PRKN: variants seen among roughly 807,000 people sequenced by gnomAD.
PRKN encodes the protein parkin RBR E3 ubiquitin protein ligase.
PRKN carries 56 observed loss-of-function variants against 59.5 expected under a neutral mutation model. That is an observed-to-expected ratio of 0.94 (90% CI 0.76 to 1.18). PRKN has a LOEUF of 1.18. PRKN is among the 50% of genes most tolerant of loss of function. PRKN has a pLI of 0.00. For missense variants in PRKN, 657 were observed against 596.4 expected, an observed-to-expected ratio of 1.10 and a Z score of -1.06; for synonymous variants, 250 against 222.1, an observed-to-expected ratio of 1.13 and a Z score of -1.12.
chr6:161,999,585 C>T (rs1781972979), intron 5 of PRKN, among the ~76,000 whole-genome samples: 1 of 151,878 alleles, frequency 6.6e-6, no homozygotes, highest in Admixed American at 6.6e-5. Context: ...AAGAGTCACA[C>T]GAAATAAAGC....
intron 1 of PRKN, among the ~76,000 whole-genome samples, chr6:162,695,956 C>T (rs765828058): frequency 2.0e-4 from 30 of 152,114 alleles, no homozygotes; most frequent in Admixed American, 3.9e-4. Flanking sequence ...TTCTCTGAGC[C>T]GAAGATTCAC....
At chr6:161,981,567 T>A (rs1439421422) in intron 5 of PRKN, among the ~76,000 whole-genome samples, 1 of 152,094 alleles carries the variant, frequency 6.6e-6, no homozygotes, top group Non-Finnish European at 1.5e-5. Context: ...AGATAAAGCA[T>A]AACCACAACA....
At chr6:161,922,699 C>A (rs1778829086) in intron 6 of PRKN, among the ~76,000 whole-genome samples, 2 of 152,038 alleles carry the variant, frequency 1.3e-5, no homozygotes, top group South Asian at 4.1e-4. Context: ...TGTTTGGATA[C>A]CATGTAACCT....
In PRKN at chr6:161,362,790, G is replaced by A. The variant is rs1785027422; in HGVS notation, c.1168-2585C>T. On this transcript the variant is annotated intron_variant, in intron 10 of 11. Coordinates refer to ENST00000366898, the MANE Select transcript of PRKN (RefSeq NM_004562.3). The surrounding 1 kb of genome is among the most constrained non-coding windows in gnomAD (Gnocchi z 5.2). Reference sequence around the variant, plus strand: ...GCACTTTAAAAAGCCAAACCTCAAGGAAATTACACAAATAAAATTCTAAGA... The same window carrying A: ...GCACTTTAAAAAGCCAAACCTCAAGAAAATTACACAAATAAAATTCTAAGA... Among the ~76,000 whole-genome samples, 1 of 152,094 alleles carries A rather than the reference G, an allele frequency of 6.6e-6. No individual in the cohort carries two copies. Among genetic ancestry groups the A allele is most frequent in the Admixed American group, 6.5e-5 (1 of 15,268 alleles).
intron 7 of PRKN, among the ~76,000 whole-genome samples, chr6:161,691,226 C>G (rs1461722764): frequency 6.6e-6 from 1 of 152,214 alleles, no homozygotes; most frequent in African/African-American, 2.4e-5. Context: ...CCAGTTGGAT[C>G]TTTTGTAGGC....
chr6:162,103,898 A>G (rs1183578451), intron 4 of PRKN, among the ~76,000 whole-genome samples: 1 of 152,192 alleles, frequency 6.6e-6, no homozygotes, highest in African/African-American at 2.4e-5. Context: ...TCGAAAGAGC[A>G]TAAGATGCTC....
chr6:161,431,771 C>A (rs925255907), intron 9 of PRKN, among the ~76,000 whole-genome samples: 2 of 151,904 alleles, frequency 1.3e-5, no homozygotes, highest in Admixed American at 1.3e-4. Context: ...TGCCACCACA[C>A]CCCGCTAATT....
At chr6:162,190,971 A>G (rs9355988) in intron 4 of PRKN, among the ~76,000 whole-genome samples, 99,291 of 152,040 alleles carry the variant, frequency 0.65, 34,050 homozygotes, top group African/African-American at 0.86. Context: ...GAGACTCAGG[A>G]AGGTACATCT....
intron 1 of PRKN, among the ~76,000 whole-genome samples, chr6:162,669,441 A>C (rs1051998819): frequency 2.6e-5 from 4 of 152,174 alleles, no homozygotes; most frequent in African/African-American, 9.7e-5. Flanking sequence ...TTTAGAATTA[A>C]GGAATTCAGA....
rs1004781220 is a variant in PRKN, at chr6:162,671,878, A to G, written c.7+55784T>C. Among the ~76,000 whole-genome samples, 20 of 152,090 alleles carry G rather than the reference A, an allele frequency of 1.3e-4. 1 individual carries two copies. Among genetic ancestry groups the G allele is most frequent in the Non-Finnish European group, 2.8e-4 (19 of 68,022 alleles). ...AAATCAGGCAGGTGCTGAGAGGAGGAGAGAGGGGAGGTAGGTTGGATGAGG... is the reference window on the plus strand; with the variant it reads ...AAATCAGGCAGGTGCTGAGAGGAGGGGAGAGGGGAGGTAGGTTGGATGAGG... On this transcript the variant is annotated intron_variant, in intron 1 of 11. Transcript: ENST00000366898.
At chr6:162,558,699 A>T (rs1779712884) in intron 1 of PRKN, among the ~76,000 whole-genome samples, 1 of 150,446 alleles carries the variant, frequency 6.6e-6, no homozygotes, top group African/African-American at 2.5e-5. Context: ...AGTGCAGTGG[A>T]GTGATCTTAG....
At chr6:162,717,311 T>A (rs1484436174) in intron 1 of PRKN, among the ~76,000 whole-genome samples, 1 of 152,020 alleles carries the variant, frequency 6.6e-6, no homozygotes, top group Non-Finnish European at 1.5e-5. Flanking sequence ...GCACAGTGGC[T>A]CACACCTGTA....
chr6:162,071,581 T>C (rs1778576874), intron 4 of PRKN, among the ~76,000 whole-genome samples: 1 of 142,706 alleles, frequency 7.0e-6, no homozygotes, highest in South Asian at 2.3e-4. Context: ...TGGATTCCAA[T>C]TATTTTACTG....
intron 9 of PRKN, among the ~76,000 whole-genome samples, chr6:161,415,592 G>GGGGGGCCCCCCC: frequency 2.8e-5 from 1 of 36,252 alleles, no homozygotes; most frequent in South Asian, 1.0e-3. Flanking sequence ...AGGAAATGTC[G>GGGGGGCCCCCCC]CCCCCCCCCC....
chr6:161,433,958 A>G (rs1788766736), intron 9 of PRKN, among the ~76,000 whole-genome samples: 1 of 152,122 alleles, frequency 6.6e-6, no homozygotes, highest in Admixed American at 6.5e-5. Context: ...CAGAGGTTGC[A>G]GTGAGTTGAG....
intron 1 of PRKN, among the ~76,000 whole-genome samples, chr6:162,522,810 A>T (rs1778129294): frequency 2.6e-5 from 4 of 152,324 alleles, no homozygotes; most frequent in South Asian, 4.1e-4. Context: ...AAAAAAAAAA[A>T]AAATCAATGT....
At chr6:161,590,458 C>T (rs1013737464) in intron 7 of PRKN, among the ~76,000 whole-genome samples, 2 of 151,684 alleles carry the variant, frequency 1.3e-5, no homozygotes, top group East Asian at 1.9e-4. Context: ...ATTAGCTGGG[C>T]GTGGTGGCGC....
At chr6:161,586,644 C>G (rs1781532691) in intron 7 of PRKN, among the ~76,000 whole-genome samples, 1 of 152,114 alleles carries the variant, frequency 6.6e-6, no homozygotes, top group Non-Finnish European at 1.5e-5. Flanking sequence ...GTAGAATATC[C>G]TTGCATTCTT....
At chr6:161,476,966 A>G (rs1351775541) in intron 9 of PRKN, among the ~76,000 whole-genome samples, 1 of 152,202 alleles carries the variant, frequency 6.6e-6, no homozygotes, top group African/African-American at 2.4e-5. Flanking sequence ...CAGTGCATGC[A>G]GTTCTAATGA....
Sources: gnomAD v4.1 joint callset for allele counts (sites outside exome capture counted in the v4.1 genomes callset) on GRCh38, gnomAD v4.1.1 for gene constraint, Gnocchi (gnomAD v3.1) non-coding constraint, MANE v1.5 for transcripts, NCBI Gene and HGNC (gene_info 2026-07-23, HGNC 2026-07-21) for gene names.